The following RNF150 variants were observed in gnomAD, a reference collection of about 807,000 sequenced individuals.
The protein encoded by RNF150 is ring finger protein 150.
Under a neutral mutation model 39.3 loss-of-function variants are expected in RNF150, and 24 were observed. The ratio of observed to expected loss-of-function variants is 0.61; its 90% confidence interval spans 0.44 to 0.86. The LOEUF (loss-of-function observed/expected upper bound fraction) is 0.86. RNF150 is among the 40% of genes least tolerant of loss of function. The probability of loss-of-function intolerance (pLI) is 0.00; values close to 1 mark genes in which losing one functional copy is unlikely to be tolerated. For synonymous variants in RNF150, 255 were observed against 227.3 expected, an observed-to-expected ratio of 1.12 and a Z score of -1.10; for missense variants, 502 against 587.8, an observed-to-expected ratio of 0.85 and a Z score of 1.51.
intron 1 of RNF150, among the ~76,000 whole-genome samples, chr4:141,109,213 G>T (rs1423724954): frequency 6.6e-6 from 1 of 151,900 alleles, no homozygotes; most frequent in Non-Finnish European, 1.5e-5. Context: ...TAATCTCTTT[G>T]TTCCTATTGC....
chr4:140,916,273 TG>T (rs1730823827), intron 5 of RNF150, among the ~76,000 whole-genome samples: 2 of 152,004 alleles, frequency 1.3e-5, no homozygotes, highest in Admixed American at 1.3e-4. Context: ...TTCAAACCAA[TG>T]GCAAAGAAGT....
intron 5 of RNF150, among the ~76,000 whole-genome samples, chr4:140,918,589 C>T (rs931710950): frequency 2.1e-4 from 32 of 151,998 alleles, no homozygotes; most frequent in East Asian, 5.8e-4. Flanking sequence ...GATTCACAGC[C>T]GAATTCTACC....
At chr4:141,000,032 G>GAA (rs1560679112) in intron 1 of RNF150, among the ~76,000 whole-genome samples, 1,073 of 42,264 alleles carry the variant, frequency 0.025, 149 homozygotes, top group Non-Finnish European at 0.046. Context: ...AGAAGAAGAA[G>GAA]AAGAAGAAGA....
intron 6 of RNF150, among the ~76,000 whole-genome samples, chr4:140,891,913 T>G (rs1560950824): frequency 6.6e-6 from 1 of 152,044 alleles, no homozygotes; most frequent in Non-Finnish European, 1.5e-5. Flanking sequence ...CTTGTGAGAA[T>G]CTAACTAATG....
intron 1 of RNF150, among the ~76,000 whole-genome samples, chr4:141,055,797 G>A (rs546027459): frequency 1.3e-5 from 2 of 152,180 alleles, no homozygotes; most frequent in Non-Finnish European, 2.9e-5. Context: ...TAATATCTGA[G>A]GATTTTCTAC....
chr4:140,962,989 T>C (rs1733099604), intron 2 of RNF150, among the ~76,000 whole-genome samples: 1 of 151,936 alleles, frequency 6.6e-6, no homozygotes, highest in East Asian at 1.9e-4. Flanking sequence ...CATATATAGA[T>C]ACACATATAA....
chr4:140,999,977 A>AGAAGAAGAAGAAGAAGAAGAAGAAGAAG, intron 1 of RNF150, among the ~76,000 whole-genome samples: 1 of 34,716 alleles, frequency 2.9e-5, no homozygotes, highest in Non-Finnish European at 6.2e-5. Context: ...AAGAAGAAGA[A>AGAAGAAGAAGAAGAAGAAGAAGAAGAAG]AAGAAGAAAA....
In RNF150 at chr4:140,997,709, C is replaced by CACATATATGTGTGTGTATATATACACAT. The variant is rs538042316; in HGVS notation, c.485-29837_485-29836insATGTGTATATATACACACACATATATGT. ...CAGCCTGTGTGTGTATATATACACA[C>CACATATATGTGTGTGTATATATACACAT]ACATATATGTGTGTATAAAAAGATA... On this transcript the variant is annotated intron_variant, in intron 1 of 6. Coordinates refer to ENST00000515673, the MANE Select transcript of RNF150 (RefSeq NM_020724.2). Among the ~76,000 whole-genome samples, 1,046 of 149,746 alleles carry CACATATATGTGTGTGTATATATACACAT rather than the reference C, an allele frequency of 7.0e-3. 18 individuals are homozygous for CACATATATGTGTGTGTATATATACACAT. The highest frequency in any genetic ancestry group is 0.022 in the African/African-American group (908 of 40,614).
In RNF150 at chr4:141,203,057, TTA is replaced by T. The variant is rs746890764; in HGVS notation, c.-6+9735_-6+9736del. ...TGAGTTGGGTGTCCTCTTGGAGATT[TTA>T]TATATATATATATATATACACACAT... is the stretch of plus-strand genomic sequence containing the variant. On this transcript the variant is annotated intron_variant, in intron 1 of 7. Coordinates refer to the RNF150 transcript ENST00000420921. Among the ~76,000 whole-genome samples the T allele has an allele frequency of 3.4e-4, 41 of 120,162 alleles. 2 individuals carry two copies. The highest frequency in any genetic ancestry group is 1.1e-3 in the South Asian group (4 of 3,590). The allele number at this position is 120,162 out of a possible 152,430, so 78.8% of individuals were successfully genotyped here.
chr4:141,170,189 A>G (rs535879707), intron 1 of RNF150, among the ~76,000 whole-genome samples: 2 of 152,320 alleles, frequency 1.3e-5, no homozygotes, highest in South Asian at 4.1e-4. Flanking sequence ...CATCTTGTTA[A>G]CACATTCCAT....
intron 1 of RNF150, among the ~76,000 whole-genome samples, chr4:141,106,742 T>C (rs1467117142): frequency 6.6e-6 from 1 of 152,060 alleles, no homozygotes; most frequent in African/African-American, 2.4e-5. Context: ...TGCAGTGAGC[T>C]GACATCGTGC....
intron 1 of RNF150, among the ~76,000 whole-genome samples, chr4:141,202,014 C>T (rs982358030): frequency 1.3e-5 from 2 of 152,120 alleles, no homozygotes; most frequent in African/African-American, 4.8e-5. Context: ...GAGGGCACAG[C>T]AAGATGGTGC....
chr4:141,004,107 T>A (rs1734775942), intron 1 of RNF150, among the ~76,000 whole-genome samples: 3 of 152,174 alleles, frequency 2.0e-5, no homozygotes, highest in African/African-American at 2.4e-5. Flanking sequence ...AACGAACTTC[T>A]ATTGAGCATT....
intron 1 of RNF150, among the ~76,000 whole-genome samples, chr4:141,185,257 T>C (rs1398431684): frequency 6.6e-6 from 1 of 152,110 alleles, no homozygotes; most frequent in Admixed American, 6.5e-5. Flanking sequence ...CCCTTGTAAG[T>C]TGTATTCCTA....
chr4:141,136,407 G>C (rs776642819), upstream of RNF150, among the ~76,000 whole-genome samples: 1 of 152,154 alleles, frequency 6.6e-6, no homozygotes, highest in Non-Finnish European at 1.5e-5. Context: ...TACACTTTCA[G>C]AGAATTTGAG....
At chr4:141,158,497 C>T (rs1727455238) in intron 1 of RNF150, among the ~76,000 whole-genome samples, 1 of 151,350 alleles carries the variant, frequency 6.6e-6, no homozygotes, top group African/African-American at 2.4e-5. Context: ...TTTTAAAAAT[C>T]CAAGAGAAAT....
intron 5 of RNF150, among the ~76,000 whole-genome samples, chr4:140,912,959 T>TAGA (rs1560962313): frequency 2.9e-5 from 4 of 138,134 alleles, no homozygotes; most frequent in Non-Finnish European, 1.6e-5. Context: ...CATCAGAACA[T>TAGA]AAAAAAAAAA....
In RNF150 at chr4:141,132,205, C is replaced by T. The variant is rs80218651; in HGVS notation, c.484+120G>A. 3,592 of 1,057,164 alleles carry T rather than the reference C, an allele frequency of 3.4e-3. 138 individuals carry two copies. In the Admixed American group the frequency reaches 0.073, roughly 22 times the overall value. 65.5% of individuals were successfully genotyped at this position (1,057,164 alleles called of 1,614,324 possible). On this transcript the variant is annotated intron_variant, in intron 1 of 6. Coordinates refer to ENST00000515673, the MANE Select transcript of RNF150 (RefSeq NM_020724.2). The surrounding 1 kb of genome is among the most constrained non-coding windows in gnomAD (Gnocchi z 4.9). The stretch of plus-strand genomic sequence containing the variant: ...GCAAAACTTAATCGGTCCAGGGAAC[C>T]CAGACACGTCTTCCGCGCCGCACGG...
rs763941700 is a variant in RNF150, at chr4:141,132,630, G to A, written c.179C>T (p.Ala60Val). The A allele has an allele frequency of 6.4e-7, 1 of 1,568,918 alleles. No individual in the cohort carries two copies. Among genetic ancestry groups the A allele is most frequent in the South Asian group, 1.2e-5 (1 of 85,078 alleles). The change falls in exon 1 of 7, where the codon GCG becomes GTG. Residue 60 changes from alanine to valine, a missense_variant. By Grantham distance (64) the Ala-to-Val change is moderately conservative. Transcript: ENST00000515673. This position sits in a 1 kb window ranked among gnomAD's most constrained non-coding sequence, Gnocchi z 4.9. ...EPAPDPGAGA[A>V]GGGGAELHTE... ...GTGCAGCTCCGCGCCGCCGCCGCCC[G>A]CCGCCCCGGCCCCGGGGTCCGGCGC...
Sources: gnomAD v4.1 joint callset for allele counts (sites outside exome capture counted in the v4.1 genomes callset) on GRCh38, gnomAD v4.1.1 for gene constraint, Gnocchi (gnomAD v3.1) non-coding constraint, MANE v1.5 for transcripts, NCBI Gene and HGNC (gene_info 2026-07-23, HGNC 2026-07-21) for gene names.